The following CDH23 variants were observed in gnomAD, a reference collection of about 807,000 sequenced individuals.
The protein encoded by CDH23 is cadherin related 23.
A neutral mutation model predicts 317.1 loss-of-function variants in CDH23; 189 were observed. That is an observed-to-expected ratio of 0.60 (90% CI 0.53 to 0.67). The LOEUF (loss-of-function observed/expected upper bound fraction) is 0.67, where lower values mean the gene tolerates loss of function less well. Among genes scored for constraint, CDH23 ranks in the 30% least tolerant of loss-of-function variants. The pLI, the probability that CDH23 is intolerant of heterozygous loss-of-function variation, is 0.00. For synonymous variants in CDH23, 1,839 were observed against 1,876.8 expected, an observed-to-expected ratio of 0.98 and a Z score of 0.52; for missense variants, 4,401 against 4,592.4, an observed-to-expected ratio of 0.96 and a Z score of 1.20.
intron 38 of CDH23, among the ~76,000 whole-genome samples, chr10:71,758,288 G>A (rs1037148392): frequency 5.9e-5 from 9 of 152,276 alleles, no homozygotes; most frequent in Non-Finnish European, 7.4e-5. Context: ...TCCCCATTCC[G>A]GCTTAGGTCC....
chr10:71,712,817 G>A lies in CDH23; in HGVS notation c.3369+4G>A. On this transcript the variant is annotated splice_donor_region_variant and intron_variant, in intron 28 of 69. Coordinates refer to ENST00000224721, the MANE Select transcript of CDH23 (RefSeq NM_022124.6). ...TGAAGGCCACAGCATCTTGCAGGCA[G>A]GTGGCCCGTGGCCTCTGGGGCAGGT... The A allele has an allele frequency of 6.2e-7, 1 of 1,609,998 alleles. No homozygotes were observed. The highest frequency in any genetic ancestry group is 8.5e-7 in the Non-Finnish European group (1 of 1,178,514).
Position 71,812,001 on chromosome 10 carries a change from G to C in CDH23, c.9366G>C (p.Lys3122Asn), listed in dbSNP as rs769181030. The change falls in exon 66 of 70, where the codon AAG becomes AAC. Residue 3122 changes from lysine (K) to asparagine (N), a missense_variant. This residue lies in a region of CDH23 where 1,144 missense variants were observed against 1,138.2 expected (regional missense o/e 1.01). Transcript: ENST00000224721. Reference protein sequence around the residue: ...IDIMDMPNTNKYSFDGANPVW... With the variant: ...IDIMDMPNTNNYSFDGANPVW... ...TCATGGACATGCCTAACACCAACAAGTACTCCTTTGATGGGTGAGTGGGGT... is the reference window on the plus strand; with the variant it reads ...TCATGGACATGCCTAACACCAACAACTACTCCTTTGATGGGTGAGTGGGGT... The C allele has an allele frequency of 1.9e-6, 3 of 1,610,552 alleles. No homozygotes were observed. The highest frequency in any genetic ancestry group is 2.7e-5 in the African/African-American group (2 of 74,224).
At chr10:71,562,254 CTG>C (rs1857170587) in intron 6 of CDH23, among the ~76,000 whole-genome samples, 1 of 152,186 alleles carries the variant, frequency 6.6e-6, no homozygotes, top group Non-Finnish European at 1.5e-5. Context: ...TCCTGGCTGA[CTG>C]TGTGAAGTCC....
chr10:71,661,443 C>T (rs1863646445), intron 14 of CDH23, among the ~76,000 whole-genome samples: 1 of 152,190 alleles, frequency 6.6e-6, no homozygotes, highest in Non-Finnish European at 1.5e-5. Flanking sequence ...CTCTGAACAC[C>T]TCCGTTTCTC....
chr10:71,534,249 G>A (rs1024796029), intron 6 of CDH23, among the ~76,000 whole-genome samples: 2 of 152,104 alleles, frequency 1.3e-5, no homozygotes, highest in Admixed American at 1.3e-4. Flanking sequence ...CTGAATCTGG[G>A]TCAGGCTGGC....
At chr10:71,493,428 T>C (rs1301121190) in intron 3 of CDH23, among the ~76,000 whole-genome samples, 3 of 152,162 alleles carry the variant, frequency 2.0e-5, no homozygotes, top group Non-Finnish European at 4.4e-5. Context: ...TTTCCTTAAC[T>C]CATTTGCTCA....
rs1156534866 is a variant in CDH23, at chr10:71,702,497, C to G, written c.2588-52C>G. The G allele has an allele frequency of 1.9e-6, 3 of 1,609,030 alleles. No homozygotes were observed. The African/African-American group carries it at 4.0e-5, about 22-fold the overall frequency. On this transcript the variant is annotated intron_variant, in intron 23 of 69. Coordinates refer to ENST00000224721, the MANE Select transcript of CDH23 (RefSeq NM_022124.6). ...CTTGCCTTCTTCCTGTCCGTTTTCTCTTGCACCCATCTTACCCTGTCCTTG... is the reference window on the plus strand; with the variant it reads ...CTTGCCTTCTTCCTGTCCGTTTTCTGTTGCACCCATCTTACCCTGTCCTTG...
intron 27 of CDH23, among the ~76,000 whole-genome samples, chr10:71,709,861 C>T (rs1459112996): frequency 6.6e-6 from 1 of 152,054 alleles, no homozygotes; most frequent in African/African-American, 2.4e-5. Flanking sequence ...TTCCACGTGG[C>T]TGGGGAGGCC....
Position 71,529,700 on chromosome 10 carries a change from C to T in CDH23, c.429+18488C>T, listed in dbSNP as rs551949076. ...AGAAGGGAAACTAGAGTGTATCACA[C>T]TCATACTTTAAGACTGTCTCTCCCT... On this transcript the variant is annotated intron_variant, in intron 6 of 69. Transcript: ENST00000224721. Among the ~76,000 whole-genome samples the T allele has an allele frequency of 5.9e-5, 9 of 152,270 alleles. No individual in the cohort carries two copies. The South Asian group carries it at 1.9e-3, about 32-fold the overall frequency.
intron 3 of CDH23, among the ~76,000 whole-genome samples, chr10:71,451,036 A>T (rs918164614): frequency 6.6e-6 from 1 of 151,986 alleles, no homozygotes; most frequent in Non-Finnish European, 1.5e-5. Flanking sequence ...TCCCCATCTC[A>T]GCTGTGGCTC....
At chr10:71,492,645 A>C (rs972076225) in intron 3 of CDH23, among the ~76,000 whole-genome samples, 4 of 152,076 alleles carry the variant, frequency 2.6e-5, no homozygotes, top group Non-Finnish European at 2.9e-5. Context: ...TTCATCCATC[A>C]TTTGTTTAGT....
chr10:71,558,874 G>A (rs1440633680), intron 6 of CDH23, among the ~76,000 whole-genome samples: 1 of 152,196 alleles, frequency 6.6e-6, no homozygotes, highest in Non-Finnish European at 1.5e-5. Flanking sequence ...AACTGAAGAG[G>A]GATGGGATTG....
In CDH23 at chr10:71,815,927, T is replaced by A. The variant is rs974667741; in HGVS notation, c.*649T>A. 6.3e-6 allele frequency: 1 copy of A among 159,502 alleles called. No individual in the cohort carries two copies. The highest frequency in any genetic ancestry group is 1.4e-5 in the Non-Finnish European group (1 of 71,776). 9.9% of individuals were successfully genotyped at this position (159,502 alleles called of 1,614,324 possible). A position where few individuals can be genotyped will look rare whatever the true frequency, so the allele number is the denominator to read the frequency against. On this transcript the variant is annotated 3_prime_UTR_variant, in exon 70 of 70. Transcript: ENST00000224721. ...GGAGTGTTTGTGTGTGTTCCTTTTT[T>A]AAATTAAGTTATTCCCTCAATAGTT...
chr10:71,476,141 G>T (rs1285233287), intron 3 of CDH23, among the ~76,000 whole-genome samples: 2 of 152,122 alleles, frequency 1.3e-5, no homozygotes, highest in African/African-American at 4.8e-5. Flanking sequence ...TTTAAATAGG[G>T]CATCAACAAT....
intron 3 of CDH23, among the ~76,000 whole-genome samples, chr10:71,488,935 G>C (rs1852497928): frequency 6.6e-6 from 1 of 152,232 alleles, no homozygotes; most frequent in Admixed American, 6.5e-5. Flanking sequence ...GATCCACTGT[G>C]ATCATTGAGA....
chr10:71,658,293 G>GGAGA lies in CDH23; in HGVS notation c.1449+11693_1449+11696dup, dbSNP rs138447278. The stretch of plus-strand genomic sequence containing the variant: ...AGGGAGGGAGGAGAGAGCGAGAGAT[G>GGAGA]GAGAGAGAGAGAGAGAGAGAACATA... On this transcript the variant is annotated intron_variant, in intron 14 of 69. Transcript: ENST00000224721. Among the ~76,000 whole-genome samples the GGAGA allele has an allele frequency of 1.4e-4, 21 of 150,684 alleles. 1 individual carries two copies. Among genetic ancestry groups the GGAGA allele is most frequent in the South Asian group, 8.4e-4 (4 of 4,786 alleles).
intron 1 of CDH23, among the ~76,000 whole-genome samples, chr10:71,404,449 C>A (rs113950903): frequency 6.6e-6 from 1 of 152,248 alleles, no homozygotes; most frequent in African/African-American, 2.4e-5. Flanking sequence ...ATTTCCGATA[C>A]CCCCTTGCTC....
intron 9 of CDH23, among the ~76,000 whole-genome samples, chr10:71,592,916 T>A (rs1332936175): frequency 2.0e-5 from 3 of 152,206 alleles, no homozygotes; most frequent in Non-Finnish European, 2.9e-5. Flanking sequence ...TTTCAGCTGC[T>A]GTCCCAGCTG....
intron 22 of CDH23, among the ~76,000 whole-genome samples, chr10:71,699,408 TTGCA>T (rs1420647499): frequency 6.6e-6 from 1 of 152,240 alleles, no homozygotes; most frequent in Non-Finnish European, 1.5e-5. Context: ...TTTTCAGAGC[TTGCA>T]TGCAGACAAG....
Sources: allele counts gnomAD v4.1 joint callset (sites outside exome capture counted in the v4.1 genomes callset), GRCh38; gene constraint gnomAD v4.1.1; regional missense constraint gnomAD v4.1.1; transcripts MANE v1.5; gene names NCBI Gene and HGNC (gene_info 2026-07-23, HGNC 2026-07-21).